Variants in ZDHHC14 observed in about 807,000 individuals in gnomAD.
ZDHHC14 encodes palmitoyltransferase ZDHHC14.
ZDHHC14 carries 16 observed loss-of-function variants against 47.7 expected under a neutral mutation model. That is an observed-to-expected ratio of 0.34 (90% CI 0.23 to 0.51). The LOEUF (loss-of-function observed/expected upper bound fraction) is 0.51, where lower values mean the gene tolerates loss of function less well. Ranked by LOEUF, ZDHHC14 falls within the 20% of genes least tolerant of loss-of-function variation. The pLI, the probability that ZDHHC14 is intolerant of heterozygous loss-of-function variation, is 0.97. For synonymous variants in ZDHHC14, 293 were observed against 278.9 expected (o/e 1.05, Z -0.50); for missense variants, 515 against 662.5 (o/e 0.78, Z 2.44).
intron 8 of ZDHHC14, among the ~76,000 whole-genome samples, chr6:157,654,678 G>C (rs1320471331): frequency 6.6e-6 from 1 of 151,934 alleles, no homozygotes; most frequent in South Asian, 2.1e-4. Context: ...TTACGTGTTG[G>C]TGGTGGTGGT....
chr6:157,399,171 CT>C (rs1010184060), intron 1 of ZDHHC14, among the ~76,000 whole-genome samples: 1 of 148,224 alleles, frequency 6.7e-6, no homozygotes, highest in Non-Finnish European at 1.5e-5. Flanking sequence ...TTTTTTCCAA[CT>C]TTTTTTCCGT....
intron 1 of ZDHHC14, among the ~76,000 whole-genome samples, chr6:157,531,647 G>C (rs768710366): frequency 1.3e-5 from 2 of 150,514 alleles, no homozygotes; most frequent in Non-Finnish European, 3.0e-5. Context: ...GTCTTGTCTT[G>C]ATCTTCCTGC....
intron 7 of ZDHHC14, among the ~76,000 whole-genome samples, chr6:157,651,217 C>G (rs887028855): frequency 6.6e-6 from 1 of 152,214 alleles, no homozygotes; most frequent in Admixed American, 6.5e-5. Flanking sequence ...AGGGTTGTAC[C>G]CGCCCCGAGG....
At chr6:157,661,131 G>C (rs1778327538) in intron 8 of ZDHHC14, among the ~76,000 whole-genome samples, 1 of 152,076 alleles carries the variant, frequency 6.6e-6, no homozygotes, top group Non-Finnish European at 1.5e-5. Flanking sequence ...GGGGGTGCAA[G>C]TTGGGGGAAG....
chr6:157,518,796 G>A (rs1416152811), intron 1 of ZDHHC14, among the ~76,000 whole-genome samples: 1 of 152,222 alleles, frequency 6.6e-6, no homozygotes, highest in East Asian at 1.9e-4. Flanking sequence ...CCCCGCCACC[G>A]TGGACTGGCT....
intron 2 of ZDHHC14, among the ~76,000 whole-genome samples, chr6:157,546,111 C>T (rs1312092074): frequency 6.6e-6 from 1 of 152,192 alleles, no homozygotes; most frequent in East Asian, 1.9e-4. Context: ...GGGACCGCTG[C>T]CTGCCAGCTT....
Position 157,673,535 on chromosome 6 carries a change from A to C in ZDHHC14, c.*413A>C, listed in dbSNP as rs1267206690. The C allele has an allele frequency of 5.7e-6, 1 of 174,630 alleles. No individual in the cohort carries two copies. The highest frequency in any genetic ancestry group is 1.2e-5 in the Non-Finnish European group (1 of 83,954). 10.8% of individuals were successfully genotyped at this position (174,630 alleles called of 1,614,324 possible). ...TGCCATTCCATTTGTTAATTAAAAA[A>C]AAAAAAAATCCTAAAGGGAAAAAAC... On this transcript the variant is annotated 3_prime_UTR_variant, in exon 9 of 9. Transcript: ENST00000359775. This position sits in a 1 kb window ranked among gnomAD's most constrained non-coding sequence, Gnocchi z 5.4.
At position 157,593,165 on chromosome 6, in the gene ZDHHC14, G is replaced by T; in HGVS notation, c.565+19G>T. 1 of 1,596,608 alleles carries T rather than the reference G, an allele frequency of 6.3e-7. No individual in the cohort carries two copies. The highest frequency in any genetic ancestry group is 8.5e-7 in the Non-Finnish European group (1 of 1,171,584). On this transcript the variant is annotated intron_variant, in intron 3 of 8. Coordinates refer to ENST00000359775, the MANE Select transcript of ZDHHC14 (RefSeq NM_024630.3). Reference sequence around the variant, plus strand: ...TGCGTAGGTGAGTAGTGCCTGGGCGGAGCCTGGCGGGAGCCCGGGTCCTCC... The same window carrying T: ...TGCGTAGGTGAGTAGTGCCTGGGCGTAGCCTGGCGGGAGCCCGGGTCCTCC...
chr6:157,464,769 G>A lies in ZDHHC14; in HGVS notation c.246-77816G>A, dbSNP rs552887518. ...CTGTGGGTTGACTTGGTTCAGCTGGGCGTTGTCTGGTTAGGCCATTTCATG... is the reference window on the plus strand; with the variant it reads ...CTGTGGGTTGACTTGGTTCAGCTGGACGTTGTCTGGTTAGGCCATTTCATG... On this transcript the variant is annotated intron_variant, in intron 1 of 8. Coordinates refer to ENST00000359775, the MANE Select transcript of ZDHHC14 (RefSeq NM_024630.3). Among the ~76,000 whole-genome samples the A allele has an allele frequency of 2.0e-5, 3 of 152,314 alleles. No individual in the cohort carries two copies. The East Asian group carries it at 5.8e-4, about 29-fold the overall frequency.
At chr6:157,528,734 AAAAATAAAAT>A (rs1307105067) in intron 1 of ZDHHC14, among the ~76,000 whole-genome samples, 7 of 151,742 alleles carry the variant, frequency 4.6e-5, no homozygotes, top group Non-Finnish European at 8.8e-5. Context: ...TTCATCTCAA[AAAAATAAAAT>A]AAAATAAAAT....
intron 1 of ZDHHC14, among the ~76,000 whole-genome samples, chr6:157,540,246 A>G (rs1426844080): frequency 6.6e-6 from 1 of 152,148 alleles, no homozygotes; most frequent in Non-Finnish European, 1.5e-5. Context: ...AGGTGATGAG[A>G]GGCCGCAGAG....
intron 2 of ZDHHC14, among the ~76,000 whole-genome samples, chr6:157,570,742 T>C (rs1212780672): frequency 6.7e-6 from 1 of 149,336 alleles, no homozygotes; most frequent in Admixed American, 6.6e-5. Context: ...GTGATATATA[T>C]ATGTATATAC....
chr6:157,627,690 A>G lies in ZDHHC14; in HGVS notation c.566-659A>G, dbSNP rs1454029491. Reference sequence around the variant, plus strand: ...TCTGAAAGGCATGGCCTCAAGTTCTAGTTCCACTGCTTCTGAGCTGAATGG... The same window carrying G: ...TCTGAAAGGCATGGCCTCAAGTTCTGGTTCCACTGCTTCTGAGCTGAATGG... On this transcript the variant is annotated intron_variant, in intron 3 of 8. Coordinates refer to ENST00000359775, the MANE Select transcript of ZDHHC14 (RefSeq NM_024630.3). 2.0e-5 allele frequency among the ~76,000 whole-genome samples: 3 copies of G among 152,240 alleles called. No homozygotes were observed. The East Asian group carries it at 5.8e-4, about 29-fold the overall frequency.
chr6:157,603,040 C>T (rs948580210), intron 3 of ZDHHC14, among the ~76,000 whole-genome samples: 1 of 152,224 alleles, frequency 6.6e-6, no homozygotes, highest in Non-Finnish European at 1.5e-5. Flanking sequence ...GTGGGGCCAT[C>T]GTCCCCCTGG....
At chr6:157,461,728 G>A (rs1046759074) in intron 1 of ZDHHC14, among the ~76,000 whole-genome samples, 1 of 152,228 alleles carries the variant, frequency 6.6e-6, no homozygotes, top group African/African-American at 2.4e-5. Context: ...GGGCAGCAGA[G>A]GGTGGGCAGG....
intron 1 of ZDHHC14, among the ~76,000 whole-genome samples, chr6:157,526,082 A>G (rs1781142603): frequency 6.6e-6 from 1 of 152,172 alleles, no homozygotes; most frequent in East Asian, 1.9e-4. Flanking sequence ...AAACCAAAAC[A>G]AGAAACAGCA....
Position 157,382,189 on chromosome 6 carries a change from G to C in ZDHHC14, c.168G>C (p.Met56Ile). 6.2e-7 allele frequency: 1 copy of C among 1,613,900 alleles called. No homozygotes were observed. The highest frequency in any genetic ancestry group is 8.5e-7 in the Non-Finnish European group (1 of 1,179,924). Residue 56 changes from methionine (M) to isoleucine (I), a missense_variant, in exon 1 of 9, where the codon ATG becomes ATC. Physicochemically the swap from Met to Ile is conservative, Grantham distance 10 (BLOSUM62 1). Around this residue, in one of 4 missense-constraint regions of ZDHHC14, gnomAD observed 6 missense variants for 19.7 expected, o/e 0.31. Transcript: ENST00000359775. ...RNKFFCNGRIMMARQTGVFYL... is the reference protein window; with the variant it reads ...RNKFFCNGRIIMARQTGVFYL... ...AGTTCTTCTGTAACGGGAGGATCAT[G>C]ATGGCCCGGCAGACGGGCGTCTTCT...
At chr6:157,640,764 A>T (rs571394399) in intron 5 of ZDHHC14, among the ~76,000 whole-genome samples, 1 of 152,338 alleles carries the variant, frequency 6.6e-6, no homozygotes, top group Admixed American at 6.5e-5. Context: ...GGTGGGAAGG[A>T]GGTTGTTTGC....
At chr6:157,627,208 TC>T (rs1307541262) in intron 3 of ZDHHC14, among the ~76,000 whole-genome samples, 1 of 152,226 alleles carries the variant, frequency 6.6e-6, no homozygotes, top group East Asian at 1.9e-4. Flanking sequence ...GACCAGAAAG[TC>T]ATGATACTGA....
Sources: gnomAD v4.1 joint callset for allele counts (sites outside exome capture counted in the v4.1 genomes callset) on GRCh38, gnomAD v4.1.1 for gene constraint, gnomAD v4.1.1 regional missense constraint, Gnocchi (gnomAD v3.1) non-coding constraint, MANE v1.5 for transcripts, NCBI Gene and HGNC (gene_info 2026-07-23, HGNC 2026-07-21) for gene names.